The following MARCHF6 variants were observed in gnomAD, a reference collection of about 807,000 sequenced individuals.
The protein encoded by MARCHF6 is E3 ubiquitin-protein ligase MARCHF6.
A neutral mutation model predicts 133.7 loss-of-function variants in MARCHF6; 31 were observed. The observed-to-expected ratio is 0.23, with a 90% confidence interval of 0.17 to 0.31. The LOEUF (loss-of-function observed/expected upper bound fraction) is 0.31, where lower values mean the gene tolerates loss of function less well. Ranked by LOEUF, MARCHF6 falls within the 10% of genes least tolerant of loss-of-function variation. The pLI, the probability that MARCHF6 is intolerant of heterozygous loss-of-function variation, is 1.00. For missense variants in MARCHF6, 723 were observed against 1,121.6 expected, an observed-to-expected ratio of 0.64 and a Z score of 5.08; for synonymous variants, 395 against 402.5, an observed-to-expected ratio of 0.98 and a Z score of 0.22.
intron 23 of MARCHF6, among the ~76,000 whole-genome samples, chr5:10,426,047 C>G (rs1431439295): frequency 6.6e-6 from 1 of 152,166 alleles, no homozygotes; most frequent in Non-Finnish European, 1.5e-5. Flanking sequence ...GTATCTCTTT[C>G]ATAAGATGTA....
intron 19 of MARCHF6, among the ~76,000 whole-genome samples, chr5:10,411,809 A>G (rs1212351480): frequency 2.0e-5 from 3 of 152,254 alleles, no homozygotes; most frequent in Non-Finnish European, 4.4e-5. Context: ...ATACATTTCA[A>G]CAGTGTGTCA....
intron 22 of MARCHF6, among the ~76,000 whole-genome samples, chr5:10,422,824 A>T (rs1739894903): frequency 6.6e-6 from 1 of 152,082 alleles, no homozygotes; most frequent in South Asian, 2.1e-4. Flanking sequence ...TGGGATATAG[A>T]TGTATAGATG....
chr5:10,403,049 G>A (rs1256325645), intron 14 of MARCHF6, among the ~76,000 whole-genome samples: 2 of 152,240 alleles, frequency 1.3e-5, no homozygotes, highest in South Asian at 2.1e-4. Flanking sequence ...AATATTTTAT[G>A]TGTAGAAAAG....
chr5:10,425,407 G>A (rs890003745), intron 23 of MARCHF6, among the ~76,000 whole-genome samples: 3 of 152,218 alleles, frequency 2.0e-5, no homozygotes, highest in Non-Finnish European at 4.4e-5. Flanking sequence ...ACTGGAGGCT[G>A]TGGAACATCA....
intron 9 of MARCHF6, 38 bp downstream of exon 9, chr5:10,394,823 G>A (rs755658133): frequency 2.7e-5 from 34 of 1,236,750 alleles, no homozygotes; most frequent in Admixed American, 6.3e-5. Context: ...TTTTTGAGAC[G>A]GAATCTCACT....
intron 5 of MARCHF6, among the ~76,000 whole-genome samples, chr5:10,389,904 T>C (rs544051130): frequency 6.6e-6 from 1 of 152,312 alleles, no homozygotes; most frequent in East Asian, 1.9e-4. Context: ...AAAATAAAGA[T>C]ACAGAAACTC....
At chr5:10,361,139 A>G (rs1735798280) in intron 1 of MARCHF6, among the ~76,000 whole-genome samples, 1 of 152,238 alleles carries the variant, frequency 6.6e-6, no homozygotes, top group Non-Finnish European at 1.5e-5. Context: ...GAGGGAATGG[A>G]AAGAATGGAA....
chr5:10,417,958 A>G (rs1440311699), intron 22 of MARCHF6, among the ~76,000 whole-genome samples: 1 of 152,172 alleles, frequency 6.6e-6, no homozygotes, highest in Non-Finnish European at 1.5e-5. Flanking sequence ...TGAAAATACA[A>G]ATTAATAGTC....
At chr5:10,428,487 A>G (rs893024051) in intron 24 of MARCHF6, among the ~76,000 whole-genome samples, 2 of 151,816 alleles carry the variant, frequency 1.3e-5, no homozygotes, top group South Asian at 2.1e-4. Context: ...GACTACTGGC[A>G]TGCGCCACCA....
At chr5:10,366,935 A>G (rs1736173121) in intron 1 of MARCHF6, among the ~76,000 whole-genome samples, 1 of 152,318 alleles carries the variant, frequency 6.6e-6, no homozygotes, top group African/African-American at 2.4e-5. Context: ...TGAGTTGATC[A>G]CGACCCTCAG....
At chr5:10,378,863 T>G in intron 3 of MARCHF6, 31 bp downstream of exon 3, 1 of 1,490,926 alleles carries the variant, frequency 6.7e-7, no homozygotes, top group Non-Finnish European at 9.3e-7. Flanking sequence ...CACTGCATTT[T>G]TTTTGGTTAT....
At chr5:10,379,480 G>T (rs1355917247) in intron 3 of MARCHF6, among the ~76,000 whole-genome samples, 5 of 149,106 alleles carry the variant, frequency 3.4e-5, no homozygotes, top group African/African-American at 1.2e-4. Flanking sequence ...TTTTGAGACA[G>T]AATCTCGCTC....
intron 4 of MARCHF6, among the ~76,000 whole-genome samples, chr5:10,385,629 C>T (rs1436202855): frequency 6.6e-6 from 1 of 152,012 alleles, no homozygotes; most frequent in African/African-American, 2.4e-5. Flanking sequence ...AAATGGCTAA[C>T]AAAAAGCCAG....
chr5:10,407,105 G>C lies in MARCHF6; in HGVS notation c.1456G>C (p.Val486Leu). The change falls in exon 17 of 26, where the codon GTC (valine) becomes CTC (leucine). Residue 486 changes from valine (V) to leucine (L), a missense_variant. Coordinates refer to ENST00000274140, the MANE Select transcript of MARCHF6 (RefSeq NM_005885.4). ...CATACCCTGTTTCCTTCTGCAGATT[G>C]TCTTTGGCTCCATTGTCCTCCTGAT... ...HLRRFILSVI[V>L]FGSIVLLMLW... The C allele has an allele frequency of 6.2e-7, 1 of 1,600,356 alleles. No individual in the cohort carries two copies. Among genetic ancestry groups the C allele is most frequent in the Non-Finnish European group, 8.6e-7 (1 of 1,168,264 alleles).
chr5:10,362,009 C>T (rs1018291706), intron 1 of MARCHF6, among the ~76,000 whole-genome samples: 8 of 152,042 alleles, frequency 5.3e-5, no homozygotes, highest in African/African-American at 1.9e-4. Context: ...GTGATCCGCC[C>T]ACCTCGGCCT....
intron 1 of MARCHF6, among the ~76,000 whole-genome samples, chr5:10,369,603 A>ACCC (rs58947018): frequency 2.6e-4 from 7 of 26,496 alleles, no homozygotes; most frequent in East Asian, 8.6e-4. Flanking sequence ...TAGTTCCATT[A>ACCC]CCCCCCCCCC....
intron 15 of MARCHF6, among the ~76,000 whole-genome samples, chr5:10,403,940 G>A (rs898001810): frequency 6.6e-6 from 1 of 152,128 alleles, no homozygotes; most frequent in Non-Finnish European, 1.5e-5. Flanking sequence ...TGCAGGATCA[G>A]ACATGTAAAA....
chr5:10,377,493 T>TA (rs1224894539), intron 1 of MARCHF6, among the ~76,000 whole-genome samples: 1 of 152,254 alleles, frequency 6.6e-6, no homozygotes, highest in Non-Finnish European at 1.5e-5. Flanking sequence ...ATATTTTTAT[T>TA]ATTTGTTGTG....
At chr5:10,396,448 G>T (rs1413541922) in intron 9 of MARCHF6, among the ~76,000 whole-genome samples, 1 of 152,192 alleles carries the variant, frequency 6.6e-6, no homozygotes, top group East Asian at 1.9e-4. Context: ...AAAAAATTGA[G>T]CCCACATGGT....
Sources: gnomAD v4.1 joint callset for allele counts (sites outside exome capture counted in the v4.1 genomes callset) on GRCh38, gnomAD v4.1.1 for gene constraint, MANE v1.5 for transcripts, NCBI Gene and HGNC (gene_info 2026-07-23, HGNC 2026-07-21) for gene names.